Variants in TRAK2 observed in about 807,000 individuals in gnomAD.
The protein encoded by TRAK2 is trafficking kinesin-binding protein 2.
A neutral mutation model predicts 104.6 loss-of-function variants in TRAK2; 81 were observed. That is an observed-to-expected ratio of 0.77 (90% CI 0.65 to 0.93). The LOEUF (loss-of-function observed/expected upper bound fraction) is 0.93, where lower values mean the gene tolerates loss of function less well. TRAK2 is among the 40% of genes least tolerant of loss of function. The pLI is 0.00. For synonymous variants in TRAK2, 406 were observed against 394.4 expected (o/e 1.03, Z -0.35); for missense variants, 1,002 against 1,089.0 (o/e 0.92, Z 1.12).
chr2:201,429,470 T>A (rs181201687), intron 1 of TRAK2, among the ~76,000 whole-genome samples: 1 of 152,338 alleles, frequency 6.6e-6, no homozygotes, highest in East Asian at 1.9e-4. Context: ...CCAACTTGGT[T>A]CCATTCTCCC....
At position 201,386,230 on chromosome 2, in the gene TRAK2, C is replaced by T. The variant is rs1559436997; in HGVS notation, c.1951G>A (p.Gly651Arg). 1.9e-6 allele frequency: 3 copies of T among 1,614,118 alleles called. No homozygotes were observed. Among genetic ancestry groups the T allele is most frequent in the Non-Finnish European group, 1.7e-6 (2 of 1,179,996 alleles). Residue 651 changes from glycine to arginine, a missense_variant, in exon 14 of 16, where the codon GGA (glycine) becomes AGA (arginine). Gly to Arg is a moderately radical substitution (Grantham distance 125). Transcript: ENST00000332624. ...ACACTCTTCTCACCTGTAACTGGTC[C>T]ACCTGCTGAAGTAATGGGTGGCAGG... ...IFLPPITSAG[G>R]PVTVATANPG...
Position 201,395,409 on chromosome 2 carries a change from C to A in TRAK2, c.805G>T (p.Glu269Ter). Residue 269 changes from glutamate to a stop codon, truncating the protein, a stop_gained, in exon 8 of 16, where the codon GAA (glutamate) becomes TAA (stop). Coordinates refer to ENST00000332624, the MANE Select transcript of TRAK2 (RefSeq NM_015049.3). LOFTEE classifies it high-confidence loss of function. ...AGCTCATCACTCTTCCCTGACAATTCTTCAGTCATTCTGGACATCTGAGCA... is the reference window on the plus strand; with the variant it reads ...AGCTCATCACTCTTCCCTGACAATTATTCAGTCATTCTGGACATCTGAGCA... ...TNAQMSRMTE[E>*]LSGKSDELIR... The A allele has an allele frequency of 1.3e-6, 2 of 1,580,398 alleles. No homozygotes were observed. Among genetic ancestry groups the A allele is most frequent in the Non-Finnish European group, 1.7e-6 (2 of 1,156,452 alleles).
At chr2:201,383,964 ATGCAATGTG>A in intron 15 of TRAK2, 138 bp downstream of exon 15, 1 of 619,296 alleles carries the variant, frequency 1.6e-6, no homozygotes. Context: ...AAATGAGAAA[ATGCAATGTG>A]AAAATATTCT....
intron 15 of TRAK2, among the ~76,000 whole-genome samples, chr2:201,382,415 G>GT (rs1176420011): frequency 6.6e-6 from 1 of 152,128 alleles, no homozygotes; most frequent in African/African-American, 2.4e-5. Context: ...GCACCAACTT[G>GT]TATAGGAACA....
chr2:201,404,305 C>T (rs548312510), intron 3 of TRAK2, among the ~76,000 whole-genome samples: 1 of 152,214 alleles, frequency 6.6e-6, no homozygotes, highest in Non-Finnish European at 1.5e-5. Flanking sequence ...TTAAATGATA[C>T]AGAAATTAGC....
At chr2:201,428,441 C>T (rs1035687497) in intron 1 of TRAK2, among the ~76,000 whole-genome samples, 1 of 152,158 alleles carries the variant, frequency 6.6e-6, no homozygotes, top group Admixed American at 6.5e-5. Context: ...TTCCCCATTG[C>T]TTGTTTTTGT....
At chr2:201,435,446 G>A (rs1404779132) in intron 1 of TRAK2, among the ~76,000 whole-genome samples, 2 of 152,148 alleles carry the variant, frequency 1.3e-5, no homozygotes. Context: ...TCTTCTCTCT[G>A]CCATTTGGCA....
Position 201,377,604 on chromosome 2 carries a change from T to C in TRAK2, c.*2939A>G, listed in dbSNP as rs2125637166. ...TATACCCTTTATAGGGAATAGGCTC[T>C]TGTAAGCTGCCTTTTAACTTATTTC... is the stretch of plus-strand genomic sequence containing the variant. On this transcript the variant is annotated 3_prime_UTR_variant, in exon 16 of 16. Coordinates refer to ENST00000332624, the MANE Select transcript of TRAK2 (RefSeq NM_015049.3). 1 of 152,796 alleles carries C rather than the reference T, an allele frequency of 6.5e-6. No individual in the cohort carries two copies. Among genetic ancestry groups the C allele is most frequent in the South Asian group, 2.1e-4 (1 of 4,828 alleles). The allele number at this position is 152,796 out of a possible 1,614,324, so 9.5% of individuals were successfully genotyped here.
chr2:201,426,736 C>A (rs1183209613), intron 1 of TRAK2, among the ~76,000 whole-genome samples: 1 of 152,212 alleles, frequency 6.6e-6, no homozygotes, highest in African/African-American at 2.4e-5. Flanking sequence ...CAAGGCAATT[C>A]AGGAACCTGT....
chr2:201,427,676 G>A (rs571777272), intron 1 of TRAK2, among the ~76,000 whole-genome samples: 50 of 152,126 alleles, frequency 3.3e-4, no homozygotes, highest in Non-Finnish European at 5.3e-4. Context: ...TAATCCTTTG[G>A]GTATATACCC....
At position 201,379,946 on chromosome 2, in the gene TRAK2, A is replaced by C. The variant is rs1324051448; in HGVS notation, c.*597T>G. 6.6e-6 allele frequency: 1 copy of C among 152,272 alleles called. No homozygotes were observed. The highest frequency in any genetic ancestry group is 1.9e-4 in the East Asian group (1 of 5,200). The allele number at this position is 152,272 out of a possible 1,614,324, so 9.4% of individuals were successfully genotyped here. ...GCCTGAAAACAGAAAGGAAAATAGG[A>C]GTCTCCACCTGTGATTCAATGAAAA... On this transcript the variant is annotated 3_prime_UTR_variant, in exon 16 of 16. Coordinates refer to ENST00000332624, the MANE Select transcript of TRAK2 (RefSeq NM_015049.3).
rs566298441 is a variant in TRAK2 at position 201,390,563 on chromosome 2, C to CAA, written c.1114-685_1114-684dup. On this transcript the variant is annotated intron_variant, in intron 10 of 15. Coordinates refer to ENST00000332624, the MANE Select transcript of TRAK2 (RefSeq NM_015049.3). ...TGGGTGACAGAGCGAGACTCCGTCT[C>CAA]AAAAAAAAAAAAAAAAAAGTAAAAA... Among the ~76,000 whole-genome samples the CAA allele has an allele frequency of 8.9e-3, 773 of 86,910 alleles. 17 individuals are homozygous for CAA. Among genetic ancestry groups the CAA allele is most frequent in the African/African-American group, 0.022 (415 of 19,144 alleles). 57.0% of individuals were successfully genotyped at this position (86,910 alleles called of 152,430 possible).
At chr2:201,400,955 A>G in intron 4 of TRAK2, 63 bp downstream of exon 4, 6 of 1,343,906 alleles carry the variant, frequency 4.5e-6, no homozygotes, top group Non-Finnish European at 6.4e-6. Flanking sequence ...TGCAAATTTG[A>G]TAGATTCCAA....
intron 15 of TRAK2, among the ~76,000 whole-genome samples, chr2:201,382,619 C>G (rs539483649): frequency 1.3e-5 from 2 of 152,202 alleles, no homozygotes; most frequent in East Asian, 1.9e-4. Flanking sequence ...CCTCAAGAAC[C>G]AATTTTGTAA....
intron 1 of TRAK2, among the ~76,000 whole-genome samples, chr2:201,448,282 T>C (rs1411048423): frequency 6.6e-6 from 1 of 152,242 alleles, no homozygotes; most frequent in Non-Finnish European, 1.5e-5. Context: ...GATCTTGTCT[T>C]CTCTGACACT....
At chr2:201,448,055 A>AATGAAAGAAAGAAC (rs1331984876) in intron 1 of TRAK2, among the ~76,000 whole-genome samples, 2 of 152,258 alleles carry the variant, frequency 1.3e-5, no homozygotes, top group African/African-American at 4.8e-5. Flanking sequence ...ACTGAAGGAA[A>AATGAAAGAAAGAAC]ATGAAAGAAA....
chr2:201,401,899 C>T (rs947245196), intron 3 of TRAK2, among the ~76,000 whole-genome samples: 7 of 152,080 alleles, frequency 4.6e-5, no homozygotes, highest in South Asian at 2.1e-4. Context: ...GAACATGATA[C>T]GTTACTGCAG....
chr2:201,445,369 G>T (rs1019158614), intron 1 of TRAK2, among the ~76,000 whole-genome samples: 21 of 152,116 alleles, frequency 1.4e-4, no homozygotes, highest in Non-Finnish European at 2.5e-4. Flanking sequence ...ACTAAAAAAA[G>T]ATAAATAGTA....
At chr2:201,382,541 T>G (rs1183656789) in intron 15 of TRAK2, among the ~76,000 whole-genome samples, 1 of 152,170 alleles carries the variant, frequency 6.6e-6, no homozygotes, top group African/African-American at 2.4e-5. Context: ...TCTACTAGAC[T>G]CTAGAACTGC....
Sources: allele counts gnomAD v4.1 joint callset (sites outside exome capture counted in the v4.1 genomes callset), GRCh38; gene constraint gnomAD v4.1.1; transcripts MANE v1.5; gene names NCBI Gene and HGNC (gene_info 2026-07-23, HGNC 2026-07-21).